KIF26B: variants seen among roughly 807,000 people sequenced by gnomAD.
KIF26B encodes the protein kinesin-like protein KIF26B.
In KIF26B, 63 loss-of-function variants were observed where a neutral mutation model predicts 151.2. The observed-to-expected ratio is 0.42, with a 90% CI of 0.34 to 0.51. The LOEUF (loss-of-function observed/expected upper bound fraction) is 0.51, where lower values mean the gene tolerates loss of function less well. KIF26B is among the 20% of genes least tolerant of loss of function. KIF26B has a pLI of 0.07. For synonymous variants in KIF26B, 1,357 were observed against 1,262.1 expected (o/e 1.08, Z -1.59); for missense variants, 2,813 against 2,913.6 (o/e 0.97, Z 0.79).
At chr1:245,621,784 G>C (rs2043664339) in intron 9 of KIF26B, among the ~76,000 whole-genome samples, 1 of 152,256 alleles carries the variant, frequency 6.6e-6, no homozygotes, top group African/African-American at 2.4e-5. Context: ...TTCAAGTTAA[G>C]CACCATGTGT....
intron 5 of KIF26B, among the ~76,000 whole-genome samples, chr1:245,569,245 T>C (rs2043040572): frequency 6.6e-6 from 1 of 152,264 alleles, no homozygotes; most frequent in Middle Eastern, 3.4e-3. Flanking sequence ...TCTCCCAAAG[T>C]ATCCCACCGA....
chr1:245,449,286 A>G (rs1659330791), intron 4 of KIF26B, among the ~76,000 whole-genome samples: 1 of 152,216 alleles, frequency 6.6e-6, no homozygotes, highest in African/African-American at 2.4e-5. Flanking sequence ...GAAAAGAACC[A>G]GGGCATTTCT....
chr1:245,185,718 T>C (rs1668987893), intron 2 of KIF26B, among the ~76,000 whole-genome samples: 1 of 152,224 alleles, frequency 6.6e-6, no homozygotes, highest in African/African-American at 2.4e-5. Context: ...TTTCTTAAGA[T>C]GATCCCCTCT....
rs954177100 is a variant in KIF26B, at chr1:245,239,914, G to A, written c.465+83231G>A. Among the ~76,000 whole-genome samples, 5 of 151,976 alleles carry A rather than the reference G, an allele frequency of 3.3e-5. No homozygotes were observed. Among genetic ancestry groups the A allele is most frequent in the Non-Finnish European group, 5.9e-5 (4 of 67,986 alleles). On this transcript the variant is annotated intron_variant, in intron 2 of 14. Transcript: ENST00000407071. The surrounding 1 kb of genome is among the most constrained non-coding windows in gnomAD (Gnocchi z 4.3). The stretch of plus-strand genomic sequence containing the variant: ...TTTCCGGCCGGGTGTGGTCACTCAC[G>A]CCTGTAATCCCAGCCCTTTGGGAGG...
chr1:245,702,674 G>A lies in KIF26B; in HGVS notation c.*68G>A. On this transcript the variant is annotated 3_prime_UTR_variant, in exon 15 of 15. Transcript: ENST00000407071. This position sits in a 1 kb window ranked among gnomAD's most constrained non-coding sequence, Gnocchi z 4.1. ...CTTCAGAGATGTTGCACGCCCCTAG[G>A]CCCTCTGTGCTGGGGCATCAAAGAC... The A allele has an allele frequency of 1.1e-5, 16 of 1,520,220 alleles. No individual in the cohort carries two copies. The South Asian group carries it at 2.0e-4, about 19-fold the overall frequency. The allele number at this position is 1,520,220 out of a possible 1,614,324, so 94.2% of individuals were successfully genotyped here. A position where few individuals can be genotyped will look rare whatever the true frequency, so the allele number is the denominator to read the frequency against.
At chr1:245,616,368 C>T (rs905945299) in intron 9 of KIF26B, among the ~76,000 whole-genome samples, 7 of 152,224 alleles carry the variant, frequency 4.6e-5, no homozygotes, top group African/African-American at 1.7e-4. Context: ...AATCCCAGCA[C>T]TGGGAAACAG....
intron 2 of KIF26B, among the ~76,000 whole-genome samples, chr1:245,240,577 T>C (rs1203392976): frequency 6.6e-6 from 1 of 152,202 alleles, no homozygotes; most frequent in African/African-American, 2.4e-5. Flanking sequence ...TATTTAATCT[T>C]TTTCCTTCTA....
At chr1:245,474,540 TAGCTGGAATTACA>T (rs149199920) in intron 4 of KIF26B, among the ~76,000 whole-genome samples, 22,132 of 150,896 alleles carry the variant, frequency 0.15, 1,948 homozygotes, top group Non-Finnish European at 0.17. Context: ...GCCTCCCGAG[TAGCTGGAATTACA>T]GGCATGCGCC....
Position 245,328,218 on chromosome 1 carries a change from T to C in KIF26B, c.466-38616T>C, listed in dbSNP as rs150083100. On this transcript the variant is annotated intron_variant, in intron 2 of 14. Transcript: ENST00000407071. ...TGAGCCTCCTGTGCCATTTGGAGCA[T>C]GTCATTATGGGGGAGTCACTTATTT... Among the ~76,000 whole-genome samples, 1,168 of 141,294 alleles carry C rather than the reference T, an allele frequency of 8.3e-3. 8 individuals are homozygous for C. The highest frequency in any genetic ancestry group is 0.047 in the Middle Eastern group (13 of 274). The allele number at this position is 141,294 out of a possible 152,430, so 92.7% of individuals were successfully genotyped here. A position where few individuals can be genotyped will look rare whatever the true frequency, so the allele number is the denominator to read the frequency against.
chr1:245,392,730 T>C (rs1673729514), intron 3 of KIF26B, among the ~76,000 whole-genome samples: 1 of 152,240 alleles, frequency 6.6e-6, no homozygotes, highest in Non-Finnish European at 1.5e-5. Context: ...TCCTTTGTGC[T>C]GGCACTTGGC....
rs75103966 is a variant in KIF26B, at chr1:245,336,855, T to A, written c.466-29979T>A. On this transcript the variant is annotated intron_variant, in intron 2 of 14. Transcript: ENST00000407071. ...CATTTGAAATGAAACTAGGCTAGGA[T>A]TTTTGGTTCACCTCCCAGATCACAG... Among the ~76,000 whole-genome samples the A allele has an allele frequency of 6.5e-3, 983 of 152,264 alleles. 11 individuals carry two copies. The highest frequency in any genetic ancestry group is 0.023 in the African/African-American group (943 of 41,530).
Position 245,167,995 on chromosome 1 carries a change from G to A in KIF26B, c.465+11312G>A, listed in dbSNP as rs542918097. ...ACTGTCCTTGGATCTGGGGACAGAG[G>A]TGCAGTCCTGCTTCCAGCACTGATA... On this transcript the variant is annotated intron_variant, in intron 2 of 14. Coordinates refer to ENST00000407071, the MANE Select transcript of KIF26B (RefSeq NM_018012.4). This position sits in a 1 kb window ranked among gnomAD's most constrained non-coding sequence, Gnocchi z 4.2. 6.6e-6 allele frequency among the ~76,000 whole-genome samples: 1 copy of A among 152,176 alleles called. No homozygotes were observed. The highest frequency in any genetic ancestry group is 2.4e-5 in the African/African-American group (1 of 41,430).
chr1:245,370,052 G>A (rs182034661), intron 3 of KIF26B, among the ~76,000 whole-genome samples: 17 of 152,178 alleles, frequency 1.1e-4, no homozygotes, highest in Admixed American at 5.9e-4. Flanking sequence ...TAACATATTT[G>A]TTGTAAAATA....
At chr1:245,196,454 G>T (rs115172180) in intron 2 of KIF26B, among the ~76,000 whole-genome samples, 1 of 152,112 alleles carries the variant, frequency 6.6e-6, no homozygotes, top group South Asian at 2.1e-4. Context: ...TGGCTCTCCT[G>T]TTGAATGGTG....
intron 9 of KIF26B, among the ~76,000 whole-genome samples, chr1:245,613,504 A>G (rs568748368): frequency 2.9e-4 from 44 of 152,356 alleles, no homozygotes; most frequent in Middle Eastern, 3.4e-3. Flanking sequence ...GGTCTGAGGC[A>G]GGAGAATTGC....
At position 245,359,340 on chromosome 1, in the gene KIF26B, T is replaced by C. The variant is rs115709838; in HGVS notation, c.466-7494T>C. 9.1e-3 allele frequency among the ~76,000 whole-genome samples: 1,383 copies of C among 152,210 alleles called. 21 individuals are homozygous for C. The highest frequency in any genetic ancestry group is 0.04 in the East Asian group (207 of 5,170). On this transcript the variant is annotated intron_variant, in intron 2 of 14. Transcript: ENST00000407071. Reference sequence around the variant, plus strand: ...AGGCCAGGTTTCTCTTTCTACATCTTCTGGGAAAAGGTTGGCAGCTCCTAG... The same window carrying C: ...AGGCCAGGTTTCTCTTTCTACATCTCCTGGGAAAAGGTTGGCAGCTCCTAG...
intron 2 of KIF26B, among the ~76,000 whole-genome samples, chr1:245,353,145 T>C (rs1672607074): frequency 6.6e-6 from 1 of 152,160 alleles, no homozygotes; most frequent in African/African-American, 2.4e-5. Flanking sequence ...AGTTTAACAG[T>C]ATAGCAGAGA....
At position 245,606,995 on chromosome 1, in the gene KIF26B, G is replaced by A. The variant is rs906577177; in HGVS notation, c.1558-656G>A. On this transcript the variant is annotated intron_variant, in intron 6 of 14. Coordinates refer to ENST00000407071, the MANE Select transcript of KIF26B (RefSeq NM_018012.4). The surrounding 1 kb of genome is among the most constrained non-coding windows in gnomAD (Gnocchi z 4.6). ...GCAAGAGAATCACTTGAGCCCAGGA[G>A]GCGGAGGTTGCAGTGAGTTGAGATC... 3.3e-5 allele frequency among the ~76,000 whole-genome samples: 5 copies of A among 150,884 alleles called. No individual in the cohort carries two copies. Among genetic ancestry groups the A allele is most frequent in the African/African-American group, 1.2e-4 (5 of 40,768 alleles).
Position 245,698,380 on chromosome 1 carries a change from C to T in KIF26B, c.6027+72C>T. 1.4e-6 allele frequency: 2 copies of T among 1,412,554 alleles called. No individual in the cohort carries two copies. Among genetic ancestry groups the T allele is most frequent in the Non-Finnish European group, 1.9e-6 (2 of 1,026,164 alleles). The allele number at this position is 1,412,554 out of a possible 1,614,324, so 87.5% of individuals were successfully genotyped here. A position where few individuals can be genotyped will look rare whatever the true frequency, so the allele number is the denominator to read the frequency against. ...CCACCAAGCCTGAGCAGGTGCTAGG[C>T]AGGGCCCTGGGGAAGAAAACTCAGA... On this transcript the variant is annotated intron_variant, in intron 13 of 14. Transcript: ENST00000407071. This position sits in a 1 kb window ranked among gnomAD's most constrained non-coding sequence, Gnocchi z 4.0.
Sources: gnomAD v4.1 joint callset for allele counts (sites outside exome capture counted in the v4.1 genomes callset) on GRCh38, gnomAD v4.1.1 for gene constraint, Gnocchi (gnomAD v3.1) non-coding constraint, MANE v1.5 for transcripts, NCBI Gene and HGNC (gene_info 2026-07-23, HGNC 2026-07-21) for gene names.